Variants in CIROZ observed in about 807,000 individuals in gnomAD.
CIROZ encodes ciliated left-right organizer ZP-N domains-containing protein.
At chr1:10,957,318 A>C in the CIROZ span, among the ~76,000 whole-genome samples, 1 of 152,240 alleles carries the variant, frequency 6.6e-6, no homozygotes, top group South Asian at 2.1e-4. Flanking sequence ...AGCTCAGAGC[A>C]AATGTCATGT....
the CIROZ span, among the ~76,000 whole-genome samples, chr1:10,950,951 C>T: frequency 4.1e-4 from 63 of 152,196 alleles, no homozygotes; most frequent in African/African-American, 1.5e-3. Context: ...GAGGCTGCTC[C>T]ACTTAGAGGG....
the CIROZ span, chr1:10,948,394 G>A: frequency 3.1e-6 from 5 of 1,613,048 alleles, no homozygotes; most frequent in South Asian, 3.3e-5. Context: ...GCTTGGCCGG[G>A]CTCCCCCATG....
chr1:10,946,492 A>C, the CIROZ span: 1 of 152,006 alleles, frequency 6.6e-6, no homozygotes. Context: ...TTATTTATTT[A>C]TTTCTTGTTC....
At chr1:10,957,811 G>A in the CIROZ span, 1 of 1,551,550 alleles carries the variant, frequency 6.4e-7, no homozygotes, top group Admixed American at 1.8e-5. Context: ...GTCACTAGGG[G>A]TTACGGAGAG....
chr1:10,973,963 C>T, the CIROZ span, among the ~76,000 whole-genome samples: 1 of 96,524 alleles, frequency 1.0e-5, no homozygotes, highest in Non-Finnish European at 2.4e-5. Context: ...AGGACCCCCC[C>T]CACCAAGTCT....
chr1:10,979,603 GC>G, the CIROZ span, among the ~76,000 whole-genome samples: 1 of 152,066 alleles, frequency 6.6e-6, no homozygotes, highest in African/African-American at 2.4e-5. Flanking sequence ...TGCAAGGCAA[GC>G]ACAAGGGCAT....
At chr1:10,957,695 A>C in the CIROZ span, 12 of 1,614,050 alleles carry the variant, frequency 7.4e-6, no homozygotes, top group South Asian at 1.2e-4. Flanking sequence ...CAGTCCCATC[A>C]GGCTGGCGTC....
the CIROZ span, chr1:10,964,012 G>A: frequency 1.5e-6 from 2 of 1,299,922 alleles, no homozygotes; most frequent in South Asian, 1.5e-5. Context: ...GCTACCACCT[G>A]TCTCCCTGGG....
the CIROZ span, among the ~76,000 whole-genome samples, chr1:10,951,284 G>T: frequency 6.6e-6 from 1 of 151,674 alleles, no homozygotes; most frequent in East Asian, 2.0e-4. Flanking sequence ...AATATTTAAG[G>T]CTGGGCATGG....
chr1:10,968,015 C>T, the CIROZ span, among the ~76,000 whole-genome samples: 2 of 151,350 alleles, frequency 1.3e-5, no homozygotes, highest in Non-Finnish European at 2.9e-5. Context: ...AAAATTCGTT[C>T]GGCGCGGTGG....
At chr1:10,957,198 G>A in the CIROZ span, 19 of 998,016 alleles carry the variant, frequency 1.9e-5, no homozygotes, top group Non-Finnish European at 1.3e-5. Flanking sequence ...TCCTACCTTC[G>A]AATTAGTCTC....
the CIROZ span, chr1:10,958,789 C>A: frequency 3.7e-6 from 6 of 1,611,404 alleles, no homozygotes; most frequent in Non-Finnish European, 5.1e-6. Context: ...CTCCTGCAAG[C>A]GGTGAGCAAA....
chr1:10,972,468 C>G, the CIROZ span, among the ~76,000 whole-genome samples: 59 of 150,002 alleles, frequency 3.9e-4, no homozygotes, highest in Non-Finnish European at 1.6e-4. Context: ...CACACACACT[C>G]TAGAATTATT....
the CIROZ span, among the ~76,000 whole-genome samples, chr1:10,980,300 G>A: frequency 6.6e-6 from 1 of 152,216 alleles, no homozygotes; most frequent in African/African-American, 2.4e-5. Flanking sequence ...TTTGAGCTGG[G>A]AGGAGCTTGC....
At chr1:10,960,283 A>C in the CIROZ span, among the ~76,000 whole-genome samples, 1 of 152,264 alleles carries the variant, frequency 6.6e-6, no homozygotes, top group Admixed American at 6.5e-5. The surrounding 1 kb of genome is among the most constrained non-coding windows in gnomAD (Gnocchi z 4.6). Flanking sequence ...AGGCGCCTGT[A>C]GTCCCAGCTA....
the CIROZ span, chr1:10,948,082 G>A: frequency 6.8e-6 from 11 of 1,613,474 alleles, no homozygotes; most frequent in East Asian, 1.6e-4. Context: ...GTGAGTTCAG[G>A]TCCTGAACTC....
the CIROZ span, among the ~76,000 whole-genome samples, chr1:10,981,626 T>C: frequency 6.6e-6 from 1 of 152,148 alleles, no homozygotes; most frequent in East Asian, 1.9e-4. Context: ...ACAACTCCTA[T>C]CATTTGAAAA....
At chr1:10,977,840 C>T in the CIROZ span, among the ~76,000 whole-genome samples, 2 of 152,212 alleles carry the variant, frequency 1.3e-5, no homozygotes, top group African/African-American at 4.8e-5. Flanking sequence ...TTGAAGACAC[C>T]AGTAACCTTT....
chr1:10,970,158 A>G, the CIROZ span: 7 of 1,230,426 alleles, frequency 5.7e-6, no homozygotes, highest in Non-Finnish European at 7.6e-6. Context: ...GGAAGGAAGA[A>G]AGGAAGGAAG....
Sources: allele counts gnomAD v4.1 joint callset (sites outside exome capture counted in the v4.1 genomes callset), GRCh38; gene constraint gnomAD v4.1.1; non-coding constraint Gnocchi (gnomAD v3.1); transcripts MANE v1.5; gene names NCBI Gene and HGNC (gene_info 2026-07-23, HGNC 2026-07-21).